The following NOS1AP variants were observed in gnomAD, a reference collection of about 807,000 sequenced individuals.
NOS1AP encodes the protein carboxyl-terminal PDZ ligand of neuronal nitric oxide synthase protein.
Under a neutral mutation model 56.2 loss-of-function variants are expected in NOS1AP, and 21 were observed. The ratio of observed to expected loss-of-function variants is 0.37; its 90% confidence interval spans 0.26 to 0.54. NOS1AP has a LOEUF of 0.54. Among genes scored for constraint, NOS1AP ranks in the 20% least tolerant of loss-of-function variants. The pLI is 0.84. For missense variants in NOS1AP, 522 were observed against 657.8 expected, an observed-to-expected ratio of 0.79 and a Z score of 2.26; for synonymous variants, 270 against 274.6, an observed-to-expected ratio of 0.98 and a Z score of 0.17.
chr1:162,251,511 A>G (rs1291127395), intron 2 of NOS1AP, among the ~76,000 whole-genome samples: 1 of 152,148 alleles, frequency 6.6e-6, no homozygotes, highest in Non-Finnish European at 1.5e-5. Context: ...TTTTAAGAAA[A>G]TAAAAGCTTT....
chr1:162,240,014 C>T (rs1412966007), intron 2 of NOS1AP, among the ~76,000 whole-genome samples: 1 of 152,196 alleles, frequency 6.6e-6, no homozygotes, highest in Non-Finnish European at 1.5e-5. Flanking sequence ...CTTCCCAGTG[C>T]CTGGATTGGT....
intron 4 of NOS1AP, among the ~76,000 whole-genome samples, chr1:162,307,396 G>A (rs1655870334): frequency 6.6e-6 from 1 of 152,352 alleles, no homozygotes; most frequent in South Asian, 2.1e-4. Context: ...CAGAATGGAA[G>A]TAATTCTTCA....
intron 5 of NOS1AP, among the ~76,000 whole-genome samples, chr1:162,333,342 G>A (rs754231535): frequency 3.3e-5 from 5 of 152,208 alleles, no homozygotes; most frequent in Non-Finnish European, 7.4e-5. Context: ...GGGATTGACC[G>A]TTGACTACGT....
At chr1:162,342,443 T>C in intron 5 of NOS1AP, 1 of 455,320 alleles carries the variant, frequency 2.2e-6, no homozygotes, top group Non-Finnish European at 4.5e-6. Flanking sequence ...TAGAAATGAC[T>C]CCAGGCTTGA....
intron 3 of NOS1AP, among the ~76,000 whole-genome samples, chr1:162,295,595 T>G (rs1655430818): frequency 6.6e-6 from 1 of 152,194 alleles, no homozygotes; most frequent in African/African-American, 2.4e-5. Flanking sequence ...TTTGTGTTGT[T>G]TTGTTTTTTT....
chr1:162,159,015 C>T (rs1037803463), intron 2 of NOS1AP, among the ~76,000 whole-genome samples: 2 of 152,226 alleles, frequency 1.3e-5, no homozygotes, highest in African/African-American at 4.8e-5. Flanking sequence ...TGGTCTGACA[C>T]TGGCGCCGCT....
At chr1:162,303,314 C>A (rs1655720434) in intron 4 of NOS1AP, among the ~76,000 whole-genome samples, 1 of 152,210 alleles carries the variant, frequency 6.6e-6, no homozygotes, top group Admixed American at 6.5e-5. Context: ...GTACAAGAGT[C>A]CCAATTCCTC....
chr1:162,292,461 A>C (rs1655308874), intron 3 of NOS1AP, among the ~76,000 whole-genome samples: 1 of 152,234 alleles, frequency 6.6e-6, no homozygotes, highest in African/African-American at 2.4e-5. Context: ...TTTACACTTA[A>C]CAAATCCTCA....
At chr1:162,261,735 C>T (rs1654248440) in intron 2 of NOS1AP, among the ~76,000 whole-genome samples, 1 of 152,066 alleles carries the variant, frequency 6.6e-6, no homozygotes, top group African/African-American at 2.4e-5. Flanking sequence ...TTCTGACCTC[C>T]AGAACTTTCA....
At chr1:162,091,860 C>T (rs148944223) in intron 1 of NOS1AP, among the ~76,000 whole-genome samples, 49 of 152,202 alleles carry the variant, frequency 3.2e-4, no homozygotes, top group African/African-American at 1.1e-3. Flanking sequence ...TCAACCACTA[C>T]GTGGGCATTA....
At chr1:162,285,718 T>G (rs1655068757) in intron 2 of NOS1AP, among the ~76,000 whole-genome samples, 1 of 152,174 alleles carries the variant, frequency 6.6e-6, no homozygotes, top group South Asian at 2.1e-4. Context: ...TGGGCTGAAG[T>G]GGAGTTTCCT....
intron 2 of NOS1AP, among the ~76,000 whole-genome samples, chr1:162,191,188 T>A (rs999920742): frequency 2.0e-5 from 3 of 152,168 alleles, no homozygotes; most frequent in Non-Finnish European, 4.4e-5. Context: ...ACTTTGATTT[T>A]TCTCAGTGTG....
At chr1:162,270,603 G>A (rs922449567) in intron 2 of NOS1AP, among the ~76,000 whole-genome samples, 3 of 152,184 alleles carry the variant, frequency 2.0e-5, no homozygotes, top group Non-Finnish European at 4.4e-5. Context: ...TAGATTAAGG[G>A]ACTGAGCGAG....
chr1:162,308,921 C>T (rs528526346), intron 4 of NOS1AP, among the ~76,000 whole-genome samples: 10 of 152,282 alleles, frequency 6.6e-5, no homozygotes, highest in Non-Finnish European at 1.0e-4. Flanking sequence ...TCAGTGATAT[C>T]GGGCAACCTC....
intron 4 of NOS1AP, among the ~76,000 whole-genome samples, chr1:162,319,409 T>C (rs560561504): frequency 4.6e-5 from 7 of 151,828 alleles, no homozygotes; most frequent in Non-Finnish European, 8.8e-5. Context: ...CTGCTTAGAC[T>C]CCCATCCTTG....
At chr1:162,334,949 C>T (rs1656892734) in intron 5 of NOS1AP, among the ~76,000 whole-genome samples, 1 of 152,092 alleles carries the variant, frequency 6.6e-6, no homozygotes, top group Admixed American at 6.5e-5. Flanking sequence ...GGTAAGAGGA[C>T]CATTATGTTA....
At chr1:162,181,589 C>A (rs1383141887) in intron 2 of NOS1AP, among the ~76,000 whole-genome samples, 1 of 152,066 alleles carries the variant, frequency 6.6e-6, no homozygotes, top group South Asian at 2.1e-4. Flanking sequence ...TTTTTAAGGG[C>A]TTTTCTAGTA....
intron 2 of NOS1AP, among the ~76,000 whole-genome samples, chr1:162,154,710 C>T (rs1045052792): frequency 6.6e-6 from 1 of 152,180 alleles, no homozygotes; most frequent in African/African-American, 2.4e-5. Flanking sequence ...CTCTTGTGAC[C>T]TGTAGCTCCT....
intron 1 of NOS1AP, among the ~76,000 whole-genome samples, chr1:162,078,232 T>C (rs1691813448): frequency 6.6e-6 from 1 of 152,208 alleles, no homozygotes; most frequent in South Asian, 2.1e-4. Context: ...ATGCGCAGCT[T>C]CCTGCTGGTC....
Sources: allele counts gnomAD v4.1 joint callset (sites outside exome capture counted in the v4.1 genomes callset), GRCh38; gene constraint gnomAD v4.1.1; transcripts MANE v1.5; gene names NCBI Gene and HGNC (gene_info 2026-07-23, HGNC 2026-07-21).